The following PLPP4 variants were observed in gnomAD, a reference collection of about 807,000 sequenced individuals.
The protein encoded by PLPP4 is diacylglycerol pyrophosphate like 2.
Under a neutral mutation model 32.2 loss-of-function variants are expected in PLPP4, and 20 were observed. The observed-to-expected ratio is 0.62, with a 90% CI of 0.44 to 0.90. The LOEUF (loss-of-function observed/expected upper bound fraction) is 0.90. Ranked by LOEUF, PLPP4 falls within the 40% of genes least tolerant of loss-of-function variation. PLPP4 has a pLI of 0.00. For synonymous variants in PLPP4, 127 were observed against 133.0 expected (o/e 0.95, Z 0.31); for missense variants, 257 against 353.1 (o/e 0.73, Z 2.18).
At chr10:120,516,240 T>A (rs1288895175) in intron 3 of PLPP4, among the ~76,000 whole-genome samples, 2 of 152,152 alleles carry the variant, frequency 1.3e-5, no homozygotes, top group Non-Finnish European at 2.9e-5. Context: ...TTGTCTGGAA[T>A]TCAGGACTCT....
chr10:120,567,742 G>A (rs1367971869), intron 5 of PLPP4, among the ~76,000 whole-genome samples: 4 of 152,094 alleles, frequency 2.6e-5, no homozygotes, highest in Non-Finnish European at 5.9e-5. Flanking sequence ...TACAAGAGAT[G>A]AAAAATGCAA....
intron 5 of PLPP4, among the ~76,000 whole-genome samples, chr10:120,554,527 G>A: frequency 6.6e-6 from 1 of 152,102 alleles, no homozygotes; most frequent in African/African-American, 2.4e-5. Context: ...TATCTTTATA[G>A]CAATGCCCCA....
chr10:120,502,399 T>C (rs1485585128), intron 1 of PLPP4, among the ~76,000 whole-genome samples: 1 of 151,606 alleles, frequency 6.6e-6, no homozygotes, highest in Admixed American at 6.6e-5. Context: ...AGCAGATGGG[T>C]GGATTTTAGG....
intron 2 of PLPP4, among the ~76,000 whole-genome samples, chr10:120,507,626 GCA>G (rs533568597): frequency 3.1e-4 from 47 of 152,304 alleles, no homozygotes; most frequent in Admixed American, 9.2e-4. Context: ...TCACTTGGAG[GCA>G]CTCCGCTGTG....
chr10:120,525,296 C>T (rs879871046), intron 5 of PLPP4, among the ~76,000 whole-genome samples: 4 of 152,206 alleles, frequency 2.6e-5, no homozygotes, highest in Non-Finnish European at 5.9e-5. Context: ...AAAAGCTTTA[C>T]TAAAGCAAGA....
intron 6 of PLPP4, among the ~76,000 whole-genome samples, chr10:120,577,657 G>A (rs1053038696): frequency 6.6e-6 from 1 of 152,160 alleles, no homozygotes; most frequent in Non-Finnish European, 1.5e-5. Flanking sequence ...CCATATTTGG[G>A]AATCAAACAA....
intron 5 of PLPP4, among the ~76,000 whole-genome samples, chr10:120,555,172 G>A (rs1302331846): frequency 1.3e-5 from 2 of 151,854 alleles, no homozygotes; most frequent in Non-Finnish European, 2.9e-5. Flanking sequence ...AACCTACATA[G>A]CAAAATACTT....
intron 1 of PLPP4, among the ~76,000 whole-genome samples, chr10:120,499,301 C>A (rs1845124798): frequency 6.6e-6 from 1 of 151,960 alleles, no homozygotes; most frequent in South Asian, 2.1e-4. Context: ...ATTTTTTTCT[C>A]CCCCATGACA....
At chr10:120,466,206 G>T (rs532842453) in intron 1 of PLPP4, among the ~76,000 whole-genome samples, 4 of 152,240 alleles carry the variant, frequency 2.6e-5, no homozygotes, top group Admixed American at 1.3e-4. Context: ...AAGTGACAGG[G>T]CCTGGCAAAT....
rs143771723 is a variant in PLPP4, at chr10:120,523,977, G to A, written c.445+2882G>A. On this transcript the variant is annotated intron_variant, in intron 5 of 6. Transcript: ENST00000398250. Reference sequence around the variant, plus strand: ...CACCCTCCCCTCCAACCAGCAGGAAGCATTTTCCGACATGGCTGGCTTTCG... The same window carrying A: ...CACCCTCCCCTCCAACCAGCAGGAAACATTTTCCGACATGGCTGGCTTTCG... Among the ~76,000 whole-genome samples the A allele has an allele frequency of 2.0e-5, 3 of 152,322 alleles. No homozygotes were observed. The East Asian group carries it at 5.8e-4, about 29-fold the overall frequency.
chr10:120,481,598 TG>T, intron 1 of PLPP4, among the ~76,000 whole-genome samples: 1 of 152,182 alleles, frequency 6.6e-6, no homozygotes, highest in Non-Finnish European at 1.5e-5. Flanking sequence ...TTTATACAAC[TG>T]GGTCCTTACA....
At chr10:120,586,168 T>C (rs1160137122) in intron 6 of PLPP4, among the ~76,000 whole-genome samples, 1 of 150,916 alleles carries the variant, frequency 6.6e-6, no homozygotes, top group African/African-American at 2.4e-5. Flanking sequence ...GGAGACTTGC[T>C]CTGTTGCCTG....
At chr10:120,467,592 A>G (rs1848382124) in intron 1 of PLPP4, among the ~76,000 whole-genome samples, 1 of 64,758 alleles carries the variant, frequency 1.5e-5, no homozygotes, top group African/African-American at 3.3e-5. Context: ...TTACAGAGTT[A>G]AGGGTTAATG....
At chr10:120,487,014 A>G (rs960649521) in intron 1 of PLPP4, among the ~76,000 whole-genome samples, 3 of 152,246 alleles carry the variant, frequency 2.0e-5, no homozygotes, top group Admixed American at 2.0e-4. Context: ...TTTCCATGCA[A>G]GTAATTGCAG....
chr10:120,525,983 C>T (rs909179465), intron 5 of PLPP4, among the ~76,000 whole-genome samples: 3 of 151,944 alleles, frequency 2.0e-5, no homozygotes, highest in East Asian at 3.9e-4. Flanking sequence ...TTGTATTCCC[C>T]GTTTCTTCTC....
At chr10:120,483,672 G>T (rs780078935) in intron 1 of PLPP4, among the ~76,000 whole-genome samples, 28 of 152,218 alleles carry the variant, frequency 1.8e-4, no homozygotes, top group South Asian at 4.1e-4. Context: ...TGGGTCAAGG[G>T]ATTGGATCCC....
At chr10:120,497,098 G>A (rs1002660505) in intron 1 of PLPP4, among the ~76,000 whole-genome samples, 4 of 152,048 alleles carry the variant, frequency 2.6e-5, no homozygotes, top group African/African-American at 9.7e-5. Flanking sequence ...GATGCCACGT[G>A]TGCCTCTGGA....
rs1849091517 is a variant in PLPP4, at chr10:120,574,168, ACTCTCTCTCTCTC to A, written c.446-962_446-950del. 4.0e-4 allele frequency among the ~76,000 whole-genome samples: 19 copies of A among 47,120 alleles called. No homozygotes were observed. The South Asian group carries it at 0.017, about 42-fold the overall frequency. The allele number at this position is 47,120 out of a possible 152,430, so 30.9% of individuals were successfully genotyped here. On this transcript the variant is annotated intron_variant, in intron 5 of 6. Transcript: ENST00000398250. ...CACACACACACACACACACACACAC[ACTCTCTCTCTCTC>A]TCTCTCTCTCTCTCTCTCTCTCTCT...
intron 6 of PLPP4, among the ~76,000 whole-genome samples, chr10:120,584,319 A>G (rs1589935299): frequency 6.6e-6 from 1 of 152,224 alleles, no homozygotes; most frequent in African/African-American, 2.4e-5. Context: ...CGTTTCCTTC[A>G]TGGTGCTTAC....
Sources: allele counts gnomAD v4.1 joint callset (sites outside exome capture counted in the v4.1 genomes callset), GRCh38; gene constraint gnomAD v4.1.1; transcripts MANE v1.5; gene names NCBI Gene and HGNC (gene_info 2026-07-23, HGNC 2026-07-21).